The following MARK2 variants were observed in gnomAD, a reference collection of about 807,000 sequenced individuals.
The protein encoded by MARK2 is serine/threonine-protein kinase MARK2.
In MARK2, 16 loss-of-function variants were observed where a neutral mutation model predicts 89.8. That is an observed-to-expected ratio of 0.18 (90% confidence interval 0.12 to 0.27). MARK2 has a LOEUF of 0.27. Ranked by LOEUF, MARK2 falls within the 10% of genes least tolerant of loss-of-function variation. MARK2 has a pLI of 1.00. For missense variants in MARK2, 621 were observed against 1,049.9 expected, an observed-to-expected ratio of 0.59 and a Z score of 5.65; for synonymous variants, 382 against 399.5, an observed-to-expected ratio of 0.96 and a Z score of 0.52.
At chr11:63,847,603 C>T (rs766032233) in intron 1 of MARK2, among the ~76,000 whole-genome samples, 2 of 152,144 alleles carry the variant, frequency 1.3e-5, no homozygotes, top group Non-Finnish European at 1.5e-5. Flanking sequence ...TTCGTTGAGG[C>T]GAAAGTTTGG....
At chr11:63,863,469 C>G (rs1418779400) in intron 1 of MARK2, among the ~76,000 whole-genome samples, 4 of 128,966 alleles carry the variant, frequency 3.1e-5, no homozygotes, top group Non-Finnish European at 6.6e-5. Flanking sequence ...CCCCCACCCC[C>G]CCACTTTTTT....
chr11:63,868,698 T>A, intron 1 of MARK2: 7 of 448,258 alleles, frequency 1.6e-5, no homozygotes, highest in South Asian at 1.1e-4. Context: ...GACACCAACG[T>A]GTCTGCCTGC....
At chr11:63,901,422 G>GGGGTGTGTGTGTGTGTGTGT (rs1554985348) in intron 11 of MARK2, among the ~76,000 whole-genome samples, 1 of 139,590 alleles carries the variant, frequency 7.2e-6, no homozygotes, top group Non-Finnish European at 1.5e-5. Context: ...TACATTTCTG[G>GGGGTGTGTGTGTGTGTGTGT]GTGTGTGTGT....
chr11:63,839,466 C>T lies in MARK2; in HGVS notation c.-41C>T. 3 of 1,363,658 alleles carry T rather than the reference C, an allele frequency of 2.2e-6. No individual in the cohort carries two copies. The highest frequency in any genetic ancestry group is 2.0e-6 in the Non-Finnish European group (2 of 986,050). The allele number at this position is 1,363,658 out of a possible 1,614,324, so 84.5% of individuals were successfully genotyped here. On this transcript the variant is annotated 5_prime_UTR_variant, in exon 1 of 19. Transcript: ENST00000402010. ...CTCCGCGCCTTCCCTTCCCTCCCTT[C>T]CTCCAAGCTTCTCGGTTCCCTCCCC... is the stretch of plus-strand genomic sequence containing the variant.
intron 16 of MARK2, 97 bp downstream of exon 16, chr11:63,905,140 CTG>C: frequency 7.3e-7 from 1 of 1,372,986 alleles, no homozygotes; most frequent in South Asian, 1.3e-5. Context: ...TTGGGACACT[CTG>C]TACCGGTATT....
Position 63,859,392 on chromosome 11 carries a change from C to G in MARK2, c.54+19832C>G, listed in dbSNP as rs369868567. On this transcript the variant is annotated intron_variant, in intron 1 of 18. Coordinates refer to ENST00000402010, the MANE Select transcript of MARK2 (RefSeq NM_001039469.3). ...TGGAGTGCAGTGGCACGATCTCGGCCCACGGCAACCCTCCGCCTCACAGGT... is the reference window on the plus strand; with the variant it reads ...TGGAGTGCAGTGGCACGATCTCGGCGCACGGCAACCCTCCGCCTCACAGGT... Among the ~76,000 whole-genome samples, 5 of 151,304 alleles carry G rather than the reference C, an allele frequency of 3.3e-5. No individual in the cohort carries two copies. The East Asian group carries it at 7.8e-4, about 24-fold the overall frequency.
chr11:63,892,315 G>A (rs1183147425), intron 1 of MARK2, among the ~76,000 whole-genome samples: 2 of 152,182 alleles, frequency 1.3e-5, no homozygotes, highest in African/African-American at 4.8e-5. Flanking sequence ...CCATGCAAAG[G>A]CCCTACGTGG....
In MARK2 at chr11:63,902,793, C is replaced by A. The variant is rs375829884; in HGVS notation, c.1416+11C>A. The A allele has an allele frequency of 1.9e-6, 3 of 1,598,272 alleles. No homozygotes were observed. Among genetic ancestry groups the A allele is most frequent in the Non-Finnish European group, 2.6e-6 (3 of 1,168,094 alleles). On this transcript the variant is annotated intron_variant, in intron 13 of 18. Transcript: ENST00000402010. The surrounding 1 kb of genome is among the most constrained non-coding windows in gnomAD (Gnocchi z 4.2). Reference sequence around the variant, plus strand: ...CCAACCCCCTCCACGGTGAGCCGCACCCCCCGCTCTCTCCTTCCTTCCTGC... The same window carrying A: ...CCAACCCCCTCCACGGTGAGCCGCAACCCCCGCTCTCTCCTTCCTTCCTGC...
chr11:63,892,347 G>A (rs1939929762), intron 1 of MARK2, among the ~76,000 whole-genome samples: 1 of 152,234 alleles, frequency 6.6e-6, no homozygotes, highest in South Asian at 2.1e-4. Context: ...AAGGGGAAAT[G>A]TCAGAATCAG....
chr11:63,895,123 G>A (rs762104927), intron 1 of MARK2, 36 bp from the exon 2 acceptor site: 2 of 1,583,700 alleles, frequency 1.3e-6, no homozygotes, highest in South Asian at 1.1e-5. Flanking sequence ...GACTGGAAGT[G>A]TGGCATGTAA....
chr11:63,897,659 G>A (rs559968525), intron 3 of MARK2, among the ~76,000 whole-genome samples: 1 of 152,226 alleles, frequency 6.6e-6, no homozygotes, highest in South Asian at 2.1e-4. Flanking sequence ...TTCACAAAGA[G>A]AGCGTGAGTG....
intron 1 of MARK2, among the ~76,000 whole-genome samples, chr11:63,885,431 C>T (rs968836669): frequency 1.3e-5 from 2 of 151,796 alleles, no homozygotes; most frequent in African/African-American, 4.8e-5. Context: ...TGCAGCTATT[C>T]GGGAGGCTGA....
chr11:63,872,305 A>G (rs914537186), intron 1 of MARK2, among the ~76,000 whole-genome samples: 1 of 152,186 alleles, frequency 6.6e-6, no homozygotes, highest in Non-Finnish European at 1.5e-5. Flanking sequence ...AACACAGCCA[A>G]TGAGAGTCCC....
Position 63,904,703 on chromosome 11 carries a change from C to T in MARK2, c.1677-83C>T. The T allele has an allele frequency of 7.9e-7, 1 of 1,271,856 alleles. No homozygotes were observed. Among genetic ancestry groups the T allele is most frequent in the Non-Finnish European group, 1.1e-6 (1 of 882,566 alleles). The allele number at this position is 1,271,856 out of a possible 1,614,324, so 78.8% of individuals were successfully genotyped here. On this transcript the variant is annotated intron_variant, in intron 15 of 18. Transcript: ENST00000402010. This position sits in a 1 kb window ranked among gnomAD's most constrained non-coding sequence, Gnocchi z 6.3. Reference sequence around the variant, plus strand: ...CTGCCCTAGCATCCCCCTCCCTGTCCCCACCACAGGGTGTCCAGGTGCCCA... The same window carrying T: ...CTGCCCTAGCATCCCCCTCCCTGTCTCCACCACAGGGTGTCCAGGTGCCCA...
intron 1 of MARK2, among the ~76,000 whole-genome samples, chr11:63,871,263 C>T (rs1938431344): frequency 6.6e-6 from 1 of 152,220 alleles, no homozygotes; most frequent in African/African-American, 2.4e-5. Context: ...GTGCCATCTT[C>T]TGGAGTAAGA....
intron 1 of MARK2, among the ~76,000 whole-genome samples, chr11:63,883,485 TG>T (rs1939222015): frequency 6.6e-6 from 1 of 152,172 alleles, no homozygotes; most frequent in Admixed American, 6.5e-5. Flanking sequence ...GGGGAAACAA[TG>T]GTTCCTACCC....
At chr11:63,849,356 C>T (rs1056510490) in intron 1 of MARK2, among the ~76,000 whole-genome samples, 3 of 152,204 alleles carry the variant, frequency 2.0e-5, no homozygotes, top group East Asian at 3.8e-4. Flanking sequence ...CTCCATCTCA[C>T]GTAGTGTACT....
At chr11:63,873,273 T>C (rs538045546) in intron 1 of MARK2, among the ~76,000 whole-genome samples, 1 of 152,258 alleles carries the variant, frequency 6.6e-6, no homozygotes, top group African/African-American at 2.4e-5. Flanking sequence ...ACAATATCCC[T>C]TTTTTCCCGA....
In MARK2 at chr11:63,902,465, C is replaced by A; in HGVS notation, c.1234+135C>A. The stretch of plus-strand genomic sequence containing the variant: ...TATTAGTAGTGTGGCTATGGGCAAG[C>A]CACTTCCCTTCCCTCGCCTCTGTGG... On this transcript the variant is annotated intron_variant, in intron 12 of 18. Coordinates refer to ENST00000402010, the MANE Select transcript of MARK2 (RefSeq NM_001039469.3). This position sits in a 1 kb window ranked among gnomAD's most constrained non-coding sequence, Gnocchi z 4.2. The A allele has an allele frequency of 7.2e-7, 1 of 1,393,002 alleles. No individual in the cohort carries two copies. The highest frequency in any genetic ancestry group is 1.0e-6 in the Non-Finnish European group (1 of 1,002,162). The allele number at this position is 1,393,002 out of a possible 1,614,324, so 86.3% of individuals were successfully genotyped here. A position where few individuals can be genotyped will look rare whatever the true frequency, so the allele number is the denominator to read the frequency against.
Sources: allele counts gnomAD v4.1 joint callset (sites outside exome capture counted in the v4.1 genomes callset), GRCh38; gene constraint gnomAD v4.1.1; non-coding constraint Gnocchi (gnomAD v3.1); transcripts MANE v1.5; gene names NCBI Gene and HGNC (gene_info 2026-07-23, HGNC 2026-07-21).